The following ZNF385B variants were observed in gnomAD, a reference collection of about 807,000 sequenced individuals.
The protein encoded by ZNF385B is zinc finger protein 533.
ZNF385B carries 23 observed loss-of-function variants against 39.2 expected under a neutral mutation model. The observed-to-expected ratio is 0.59, with a 90% CI of 0.42 to 0.83. The LOEUF (loss-of-function observed/expected upper bound fraction) is 0.83. Among genes scored for constraint, ZNF385B ranks in the 40% least tolerant of loss-of-function variants. The probability of loss-of-function intolerance (pLI) is 0.00; values close to 1 mark genes in which losing one functional copy is unlikely to be tolerated. For synonymous variants in ZNF385B, 205 were observed against 222.6 expected (o/e 0.92, Z 0.70); for missense variants, 552 against 598.9 (o/e 0.92, Z 0.82).
chr2:179,773,787 A>G (rs1704147196), intron 1 of ZNF385B, among the ~76,000 whole-genome samples: 1 of 152,198 alleles, frequency 6.6e-6, no homozygotes, highest in South Asian at 2.1e-4. Context: ...ACAATAAACT[A>G]CAATAAATTC....
chr2:179,778,115 C>G (rs1704450390), intron 1 of ZNF385B, among the ~76,000 whole-genome samples: 2 of 152,018 alleles, frequency 1.3e-5, no homozygotes, highest in Non-Finnish European at 2.9e-5. Flanking sequence ...GGTATTCAAC[C>G]AAAATGTGTA....
intron 3 of ZNF385B, among the ~76,000 whole-genome samples, chr2:179,648,302 G>C (rs896283871): frequency 3.3e-5 from 5 of 152,026 alleles, no homozygotes; most frequent in Admixed American, 1.3e-4. Flanking sequence ...TAGGGGTGTT[G>C]ATCAATTTCA....
intron 3 of ZNF385B, among the ~76,000 whole-genome samples, chr2:179,699,298 G>A (rs1271128593): frequency 6.6e-6 from 1 of 151,990 alleles, no homozygotes; most frequent in East Asian, 1.9e-4. Context: ...CTTCATTGAG[G>A]AGAAAATTTA....
intron 3 of ZNF385B, among the ~76,000 whole-genome samples, chr2:179,577,775 T>C (rs1686007226): frequency 7.2e-6 from 1 of 137,936 alleles, no homozygotes; most frequent in Non-Finnish European, 1.6e-5. Flanking sequence ...AATAAACTAA[T>C]TGTTTAGTGG....
chr2:179,830,352 G>T (rs1366267344), intron 1 of ZNF385B, among the ~76,000 whole-genome samples: 1 of 152,156 alleles, frequency 6.6e-6, no homozygotes, highest in Non-Finnish European at 1.5e-5. Flanking sequence ...CTTACCATGG[G>T]ATCCATCAAT....
intron 3 of ZNF385B, among the ~76,000 whole-genome samples, chr2:179,692,704 C>T (rs1023951413): frequency 6.6e-6 from 1 of 152,168 alleles, no homozygotes; most frequent in Non-Finnish European, 1.5e-5. Context: ...TTTACCTCTC[C>T]AAATATTAGC....
At chr2:179,667,947 G>A (rs1277083472) in intron 3 of ZNF385B, among the ~76,000 whole-genome samples, 1 of 152,184 alleles carries the variant, frequency 6.6e-6, no homozygotes, top group East Asian at 1.9e-4. Flanking sequence ...TCCTCCTTAA[G>A]TTGGCCTGAG....
chr2:179,673,269 A>G (rs1696286061), intron 3 of ZNF385B, among the ~76,000 whole-genome samples: 1 of 152,230 alleles, frequency 6.6e-6, no homozygotes, highest in South Asian at 2.1e-4. Flanking sequence ...TCCTCAACCC[A>G]TGGCTTGAAG....
intron 3 of ZNF385B, among the ~76,000 whole-genome samples, chr2:179,689,773 G>C (rs1265721641): frequency 7.0e-6 from 1 of 143,342 alleles, no homozygotes; most frequent in Non-Finnish European, 1.5e-5. Context: ...AAGAGCGTGA[G>C]GGCAGGGGCA....
intron 6 of ZNF385B, among the ~76,000 whole-genome samples, chr2:179,463,150 C>T (rs2051550094): frequency 6.6e-6 from 1 of 151,884 alleles, no homozygotes; most frequent in African/African-American, 2.4e-5. Flanking sequence ...GCAGATAAAA[C>T]TTCTGCATGG....
intron 1 of ZNF385B, among the ~76,000 whole-genome samples, chr2:179,776,252 C>G (rs1704309826): frequency 1.3e-5 from 2 of 152,148 alleles, no homozygotes; most frequent in South Asian, 4.1e-4. Context: ...AGAAGATTGA[C>G]AGGGGGCAGG....
At chr2:179,564,555 T>C (rs1365858815) in intron 3 of ZNF385B, among the ~76,000 whole-genome samples, 2 of 152,178 alleles carry the variant, frequency 1.3e-5, no homozygotes, top group African/African-American at 4.8e-5. Flanking sequence ...CTACCAACTA[T>C]TTGCTCTTAC....
intron 3 of ZNF385B, among the ~76,000 whole-genome samples, chr2:179,647,944 T>A (rs1476063738): frequency 1.3e-5 from 2 of 152,084 alleles, no homozygotes; most frequent in African/African-American, 2.4e-5. Flanking sequence ...ATAGTCTGCT[T>A]CACCATGGGG....
At chr2:179,820,434 C>G (rs556861459) in intron 1 of ZNF385B, among the ~76,000 whole-genome samples, 3 of 151,842 alleles carry the variant, frequency 2.0e-5, no homozygotes, top group Admixed American at 2.0e-4. Flanking sequence ...TGATTTTAAA[C>G]CAGGCTTAGT....
At chr2:179,643,215 C>G (rs1461003647) in intron 3 of ZNF385B, among the ~76,000 whole-genome samples, 1 of 123,706 alleles carries the variant, frequency 8.1e-6, no homozygotes, top group Non-Finnish European at 1.7e-5. Flanking sequence ...AGCCTGACAA[C>G]CTCTCAATAC....
chr2:179,760,122 T>A (rs1304247920), intron 3 of ZNF385B, among the ~76,000 whole-genome samples: 3 of 150,994 alleles, frequency 2.0e-5, no homozygotes, highest in Admixed American at 1.3e-4. Context: ...GATCTCAAAA[T>A]TTTTTAAAGC....
intron 1 of ZNF385B, among the ~76,000 whole-genome samples, chr2:179,808,661 G>C (rs2106563893): frequency 6.6e-6 from 1 of 152,250 alleles, no homozygotes; most frequent in African/African-American, 2.4e-5. Flanking sequence ...ATGACAAAGA[G>C]GAGATTTACA....
intron 3 of ZNF385B, among the ~76,000 whole-genome samples, chr2:179,707,770 T>A (rs913483114): frequency 6.6e-6 from 1 of 152,166 alleles, no homozygotes. Flanking sequence ...AGCTAAAGGA[T>A]CCACCAGGGT....
At chr2:179,694,007 GA>G (rs1349504788) in intron 3 of ZNF385B, among the ~76,000 whole-genome samples, 1 of 152,084 alleles carries the variant, frequency 6.6e-6, no homozygotes, top group Non-Finnish European at 1.5e-5. Flanking sequence ...TATGAAGCCT[GA>G]AAATACTAAT....
Sources: allele counts gnomAD v4.1 joint callset (sites outside exome capture counted in the v4.1 genomes callset), GRCh38; gene constraint gnomAD v4.1.1; transcripts MANE v1.5; gene names NCBI Gene and HGNC (gene_info 2026-07-23, HGNC 2026-07-21).